The following NALF1 variants were observed in gnomAD, a reference collection of about 807,000 sequenced individuals.
The protein encoded by NALF1 is NALCN channel auxiliary factor 1.
In NALF1, 3 loss-of-function variants were observed where a neutral mutation model predicts 48.4. The ratio of observed to expected loss-of-function variants is 0.06; its 90% CI spans 0.03 to 0.16. NALF1 has a LOEUF of 0.16. NALF1 is among the 10% of genes least tolerant of loss of function. The pLI is 1.00. For missense variants in NALF1, 526 were observed against 571.5 expected (o/e 0.92, Z 0.81); for synonymous variants, 262 against 245.7 (o/e 1.07, Z -0.62).
intron 1 of NALF1, among the ~76,000 whole-genome samples, chr13:107,436,099 T>C (rs566209113): frequency 7.9e-5 from 12 of 152,334 alleles, no homozygotes; most frequent in Admixed American, 2.0e-4. Context: ...AGTAAGCTAT[T>C]AGCCAGTGAA....
rs2138655751 is a variant in NALF1 at position 107,867,035 on chromosome 13, C to T, written c.-439G>A. Among the ~76,000 whole-genome samples, 1 of 151,876 alleles carries T rather than the reference C, an allele frequency of 6.6e-6. No homozygotes were observed. Among genetic ancestry groups the T allele is most frequent in the South Asian group, 2.1e-4 (1 of 4,820 alleles). ...ACCCAGGCATTGTCAGCGCGCGGGT[C>T]CCCATGGCCCCGCGGAGCCCAGCCC... On this transcript the variant is annotated 5_prime_UTR_variant, in exon 1 of 3. Transcript: ENST00000375915. This position sits in a 1 kb window ranked among gnomAD's most constrained non-coding sequence, Gnocchi z 4.4.
intron 1 of NALF1, among the ~76,000 whole-genome samples, chr13:107,231,110 T>C (rs769280839): frequency 6.9e-6 from 1 of 144,882 alleles, no homozygotes; most frequent in Non-Finnish European, 1.5e-5. Flanking sequence ...AAGGCAGCTA[T>C]AGCTGTGGTT....
chr13:107,858,526 C>A (rs573919573), intron 1 of NALF1, among the ~76,000 whole-genome samples: 2 of 152,068 alleles, frequency 1.3e-5, no homozygotes, highest in Non-Finnish European at 2.9e-5. Flanking sequence ...ATCTCTATTA[C>A]AAATCCAAAA....
intron 1 of NALF1, among the ~76,000 whole-genome samples, chr13:107,575,530 C>T (rs1180028049): frequency 6.6e-6 from 1 of 152,136 alleles, no homozygotes; most frequent in Non-Finnish European, 1.5e-5. Context: ...GCTGGCAGCA[C>T]ACTGCCTAGG....
rs185261774 is a variant in NALF1, at chr13:107,683,893, A to C, written c.915+181789T>G. 1.7e-3 allele frequency among the ~76,000 whole-genome samples: 253 copies of C among 152,308 alleles called. 1 individual carries two copies. Among genetic ancestry groups the C allele is most frequent in the African/African-American group, 5.4e-3 (225 of 41,570 alleles). ...CTGCTGAGGGGACCCACATCAACCC[A>C]ATACTGACTTTTGCCTGTATGGCCC... is the stretch of plus-strand genomic sequence containing the variant. On this transcript the variant is annotated intron_variant, in intron 1 of 2. Coordinates refer to ENST00000375915, the MANE Select transcript of NALF1 (RefSeq NM_001080396.3).
chr13:107,394,093 T>C (rs1417112475), intron 1 of NALF1, among the ~76,000 whole-genome samples: 1 of 152,168 alleles, frequency 6.6e-6, no homozygotes, highest in Non-Finnish European at 1.5e-5. Flanking sequence ...AAATCCACTT[T>C]TGGATTTATA....
intron 1 of NALF1, among the ~76,000 whole-genome samples, chr13:107,235,996 A>T (rs1880334114): frequency 6.6e-6 from 1 of 152,216 alleles, no homozygotes; most frequent in Non-Finnish European, 1.5e-5. Context: ...TACAGAGGAA[A>T]GAATACTCCA....
chr13:107,213,862 G>A (rs1470800632), intron 1 of NALF1, among the ~76,000 whole-genome samples: 1 of 152,202 alleles, frequency 6.6e-6, no homozygotes, highest in Non-Finnish European at 1.5e-5. Flanking sequence ...CTGCGGCTAA[G>A]AGCAAACGAG....
At chr13:107,634,590 A>C (rs1879924789) in intron 1 of NALF1, among the ~76,000 whole-genome samples, 1 of 152,182 alleles carries the variant, frequency 6.6e-6, no homozygotes, top group Non-Finnish European at 1.5e-5. Flanking sequence ...CTAATGTGCA[A>C]AGGATTCAGA....
At chr13:107,638,496 G>A (rs1880054065) in intron 1 of NALF1, among the ~76,000 whole-genome samples, 1 of 151,994 alleles carries the variant, frequency 6.6e-6, no homozygotes, top group Admixed American at 6.6e-5. Flanking sequence ...TGAGGCAGAG[G>A]ATGTCCCTGC....
chr13:107,468,726 G>A (rs765616478), intron 1 of NALF1, among the ~76,000 whole-genome samples: 2 of 152,094 alleles, frequency 1.3e-5, no homozygotes, highest in South Asian at 2.1e-4. Flanking sequence ...GAGAGGAATC[G>A]AATATGCAAA....
At chr13:107,542,611 G>A (rs867624311) in intron 1 of NALF1, among the ~76,000 whole-genome samples, 1 of 152,050 alleles carries the variant, frequency 6.6e-6, no homozygotes, top group African/African-American at 2.4e-5. Flanking sequence ...TCAATCAAAT[G>A]TATTTATTTG....
intron 1 of NALF1, among the ~76,000 whole-genome samples, chr13:107,266,574 T>C (rs1021907607): frequency 2.6e-5 from 4 of 152,208 alleles, no homozygotes; most frequent in Admixed American, 6.5e-5. Context: ...ACTACGTGTG[T>C]GTATGTAGAT....
chr13:107,700,259 CA>C (rs1462000330), intron 1 of NALF1, among the ~76,000 whole-genome samples: 1 of 151,654 alleles, frequency 6.6e-6, no homozygotes, highest in East Asian at 1.9e-4. Context: ...AATTGTATTA[CA>C]AAGTTACAGT....
At chr13:107,618,439 G>A (rs1879437047) in intron 1 of NALF1, among the ~76,000 whole-genome samples, 2 of 152,156 alleles carry the variant, frequency 1.3e-5, no homozygotes, top group African/African-American at 4.8e-5. Flanking sequence ...CAAGACCCTT[G>A]AGTTTTCAAT....
intron 1 of NALF1, among the ~76,000 whole-genome samples, chr13:107,459,143 T>A (rs935155259): frequency 6.6e-6 from 1 of 152,122 alleles, no homozygotes; most frequent in African/African-American, 2.4e-5. Context: ...AAAGAAAGTA[T>A]TTGAAAATAT....
chr13:107,724,380 A>G lies in NALF1; in HGVS notation c.915+141302T>C, dbSNP rs1230574045. 3.9e-5 allele frequency among the ~76,000 whole-genome samples: 6 copies of G among 152,340 alleles called. No individual in the cohort carries two copies. The East Asian group carries it at 1.2e-3, about 29-fold the overall frequency. ...ATCACCTTCTAGAAGAAAAATACATAATCCTGATTTTTATCTTATTTCTTT... is the reference window on the plus strand; with the variant it reads ...ATCACCTTCTAGAAGAAAAATACATGATCCTGATTTTTATCTTATTTCTTT... On this transcript the variant is annotated intron_variant, in intron 1 of 2. Transcript: ENST00000375915.
intron 1 of NALF1, among the ~76,000 whole-genome samples, chr13:107,283,321 G>A (rs1881425584): frequency 1.3e-5 from 2 of 152,176 alleles, no homozygotes; most frequent in South Asian, 4.1e-4. Context: ...GCAACATGGT[G>A]AAGTACGGCA....
chr13:107,440,677 T>A (rs940798890), intron 1 of NALF1, among the ~76,000 whole-genome samples: 1 of 152,166 alleles, frequency 6.6e-6, no homozygotes, highest in African/African-American at 2.4e-5. Context: ...TTTTGTGGTT[T>A]ATTCTTATTT....
Sources: allele counts gnomAD v4.1 joint callset (sites outside exome capture counted in the v4.1 genomes callset), GRCh38; gene constraint gnomAD v4.1.1; non-coding constraint Gnocchi (gnomAD v3.1); transcripts MANE v1.5; gene names NCBI Gene and HGNC (gene_info 2026-07-23, HGNC 2026-07-21).